Variants in SPMIP4 observed in about 807,000 individuals in gnomAD.
SPMIP4 encodes the protein sperm microtubule inner protein 4, also known as sperm-associated microtubule inner protein 4.
chr7:25,134,580 G>T, the SPMIP4 span: 1 of 711,424 alleles, frequency 1.4e-6, no homozygotes, highest in Non-Finnish European at 1.7e-6. Flanking sequence ...TAGGCAGAGT[G>T]AACACCATAT....
the SPMIP4 span, chr7:25,134,808 T>C: frequency 8.1e-6 from 8 of 985,410 alleles, no homozygotes; most frequent in Non-Finnish European, 7.2e-6. Context: ...ACACTCCCAA[T>C]TGCATTACAT....
chr7:25,161,132 T>C, the SPMIP4 span: 5 of 1,037,290 alleles, frequency 4.8e-6, no homozygotes, highest in African/African-American at 1.6e-5. Flanking sequence ...CTCATATAAC[T>C]CATTTCCACT....
the SPMIP4 span, among the ~76,000 whole-genome samples, chr7:25,175,415 C>A: frequency 6.6e-6 from 1 of 152,064 alleles, no homozygotes; most frequent in Non-Finnish European, 1.5e-5. Context: ...TGAGCCACCA[C>A]ACCTGGCTAA....
chr7:25,176,020 A>G, the SPMIP4 span, among the ~76,000 whole-genome samples: 6 of 152,216 alleles, frequency 3.9e-5, no homozygotes, highest in Admixed American at 2.0e-4. The surrounding 1 kb of genome is among the most constrained non-coding windows in gnomAD (Gnocchi z 4.4). Context: ...ATAAAAGGGA[A>G]AGCAAGTTGT....
At chr7:25,170,353 T>C in the SPMIP4 span, among the ~76,000 whole-genome samples, 2 of 152,268 alleles carry the variant, frequency 1.3e-5, no homozygotes, top group African/African-American at 4.8e-5. Flanking sequence ...TGGAGAAATA[T>C]CTATTCAGAT....
chr7:25,153,558 C>A, the SPMIP4 span, among the ~76,000 whole-genome samples: 1 of 108,558 alleles, frequency 9.2e-6, no homozygotes, highest in Non-Finnish European at 2.0e-5. Context: ...AGCAAGACTC[C>A]GTCTCAAAAA....
At chr7:25,175,613 G>C in the SPMIP4 span, among the ~76,000 whole-genome samples, 1 of 152,198 alleles carries the variant, frequency 6.6e-6, no homozygotes, top group Non-Finnish European at 1.5e-5. Context: ...GTCCCTTTAA[G>C]TACATCTGTG....
At chr7:25,134,898 T>C in the SPMIP4 span, 4 of 985,294 alleles carry the variant, frequency 4.1e-6, no homozygotes, top group East Asian at 1.1e-4. Flanking sequence ...TATTTCACCA[T>C]GTAAACTTTT....
the SPMIP4 span, among the ~76,000 whole-genome samples, chr7:25,149,301 A>G: frequency 4.6e-5 from 7 of 152,208 alleles, no homozygotes; most frequent in East Asian, 5.8e-4. Flanking sequence ...TACCTCCCCA[A>G]TTAAATGACA....
At chr7:25,141,321 C>T in the SPMIP4 span, among the ~76,000 whole-genome samples, 1 of 152,122 alleles carries the variant, frequency 6.6e-6, no homozygotes, top group East Asian at 1.9e-4. Context: ...CGCCTGTAAT[C>T]CCAGCACTTT....
chr7:25,168,338 T>C, the SPMIP4 span: 757 of 1,612,242 alleles, frequency 4.7e-4, 8 homozygotes, highest in South Asian at 4.3e-3. Context: ...CCTTTGCCCA[T>C]GACACGAGGA....
chr7:25,139,199 GATA>G, the SPMIP4 span, among the ~76,000 whole-genome samples: 3 of 152,128 alleles, frequency 2.0e-5, no homozygotes, highest in African/African-American at 7.2e-5. Flanking sequence ...AACTCTGGTT[GATA>G]ATATACATGC....
At chr7:25,139,276 T>A in the SPMIP4 span, among the ~76,000 whole-genome samples, 2 of 152,166 alleles carry the variant, frequency 1.3e-5, no homozygotes, top group African/African-American at 4.8e-5. Context: ...ACAAATAATA[T>A]ATTTTTATTA....
chr7:25,165,405 G>A, the SPMIP4 span, among the ~76,000 whole-genome samples: 5 of 152,154 alleles, frequency 3.3e-5, no homozygotes, highest in Admixed American at 6.5e-5. Flanking sequence ...CTTTCCTTTG[G>A]CCTCTGCTTT....
the SPMIP4 span, among the ~76,000 whole-genome samples, chr7:25,139,725 T>C: frequency 6.6e-6 from 1 of 152,206 alleles, no homozygotes; most frequent in Non-Finnish European, 1.5e-5. Flanking sequence ...AAATTTGTCA[T>C]AAAAAAGGAC....
the SPMIP4 span, chr7:25,168,258 C>T: frequency 1.9e-6 from 3 of 1,573,020 alleles, no homozygotes; most frequent in East Asian, 7.0e-5. Flanking sequence ...ATAATAAAGA[C>T]CTTTCTGTGA....
the SPMIP4 span, among the ~76,000 whole-genome samples, chr7:25,175,102 C>A: frequency 6.6e-6 from 1 of 152,090 alleles, no homozygotes; most frequent in Non-Finnish European, 1.5e-5. Context: ...TTCCCTTGCA[C>A]CCCCTCAGAC....
chr7:25,142,849 G>A, the SPMIP4 span: 26 of 1,426,150 alleles, frequency 1.8e-5, no homozygotes, highest in Non-Finnish European at 2.3e-5. Context: ...TGCTGTTAAT[G>A]TCATCTAGTA....
the SPMIP4 span, among the ~76,000 whole-genome samples, chr7:25,139,904 G>A: frequency 6.6e-6 from 1 of 152,144 alleles, no homozygotes; most frequent in South Asian, 2.1e-4. Context: ...ACCAGCAAGA[G>A]TCACTAAAAC....
Sources: gnomAD v4.1 joint callset for allele counts (sites outside exome capture counted in the v4.1 genomes callset) on GRCh38, gnomAD v4.1.1 for gene constraint, Gnocchi (gnomAD v3.1) non-coding constraint, MANE v1.5 for transcripts, NCBI Gene and HGNC (gene_info 2026-07-23, HGNC 2026-07-21) for gene names.